The following FSTL4 variants were observed in gnomAD, a reference collection of about 807,000 sequenced individuals.
FSTL4 encodes follistatin like 4, also known as follistatin-related protein 4.
Under a neutral mutation model 78.2 loss-of-function variants are expected in FSTL4, and 28 were observed. The ratio of observed to expected loss-of-function variants is 0.36; its 90% CI spans 0.27 to 0.49. The LOEUF (loss-of-function observed/expected upper bound fraction) is 0.49, where lower values mean the gene tolerates loss of function less well. Ranked by LOEUF, FSTL4 falls within the 20% of genes least tolerant of loss-of-function variation. The pLI is 0.98. For missense variants in FSTL4, 922 were observed against 1,084.9 expected (o/e 0.85, Z 2.11); for synonymous variants, 422 against 440.5 (o/e 0.96, Z 0.53).
At chr5:133,372,245 C>CTATG (rs1554108980) in intron 4 of FSTL4, among the ~76,000 whole-genome samples, 3,287 of 140,142 alleles carry the variant, frequency 0.023, 104 homozygotes, top group African/African-American at 0.082. Flanking sequence ...ATCTATGTAT[C>CTATG]TATGTATGTA....
intron 3 of FSTL4, among the ~76,000 whole-genome samples, chr5:133,554,504 A>C: frequency 6.6e-6 from 1 of 152,338 alleles, no homozygotes; most frequent in African/African-American, 2.4e-5. Flanking sequence ...GACTCTCCAA[A>C]GTGAAATTTG....
At chr5:133,567,428 A>G (rs945700627) in intron 2 of FSTL4, among the ~76,000 whole-genome samples, 1 of 152,228 alleles carries the variant, frequency 6.6e-6, no homozygotes, top group Non-Finnish European at 1.5e-5. Context: ...TAGGCAAAAA[A>G]AATCCTGTTA....
At chr5:133,204,556 G>T (rs542520580) in intron 14 of FSTL4, among the ~76,000 whole-genome samples, 3 of 152,100 alleles carry the variant, frequency 2.0e-5, no homozygotes, top group African/African-American at 4.8e-5. Flanking sequence ...CACTGGCCAG[G>T]CATGGTGGCT....
the FSTL4 span, among the ~76,000 whole-genome samples, chr5:133,744,866 T>C: frequency 6.6e-6 from 1 of 152,146 alleles, no homozygotes; most frequent in African/African-American, 2.4e-5. Context: ...CAGCAAGTGT[T>C]TGCTGGATTG....
chr5:133,284,978 G>C (rs1581592900), intron 6 of FSTL4, among the ~76,000 whole-genome samples: 1 of 152,304 alleles, frequency 6.6e-6, no homozygotes, highest in African/African-American at 2.4e-5. Flanking sequence ...GCTCAGACTT[G>C]GTGAGGTGGG....
Position 133,197,031 on chromosome 5 carries a change from C to G in FSTL4, c.*2064G>C, listed in dbSNP as rs967696733. ...GAAGCAGGTGCTGCAGAAGTTGACT[C>G]TGTCACTCCTGATTATTTTAAAAGG... On this transcript the variant is annotated 3_prime_UTR_variant, in exon 16 of 16. Coordinates refer to ENST00000265342, the MANE Select transcript of FSTL4 (RefSeq NM_015082.2). 1.3e-5 allele frequency: 2 copies of G among 152,210 alleles called. No homozygotes were observed. Among genetic ancestry groups the G allele is most frequent in the Admixed American group, 6.5e-5 (1 of 15,284 alleles). The allele number at this position is 152,210 out of a possible 1,614,324, so 9.4% of individuals were successfully genotyped here. A position where few individuals can be genotyped will look rare whatever the true frequency, so the allele number is the denominator to read the frequency against.
At chr5:133,508,587 C>T (rs1333062338) in intron 3 of FSTL4, among the ~76,000 whole-genome samples, 1 of 152,184 alleles carries the variant, frequency 6.6e-6, no homozygotes, top group Non-Finnish European at 1.5e-5. Flanking sequence ...CTGTTGTCAA[C>T]TGAAACATCA....
At chr5:133,736,848 CA>C in the FSTL4 span, among the ~76,000 whole-genome samples, 1 of 152,040 alleles carries the variant, frequency 6.6e-6, no homozygotes, top group African/African-American at 2.4e-5. Context: ...GTCATAGGTC[CA>C]GCAATGTGAG....
the FSTL4 span, among the ~76,000 whole-genome samples, chr5:133,687,526 G>T: frequency 3.3e-5 from 5 of 151,936 alleles, no homozygotes; most frequent in South Asian, 2.1e-4. Context: ...CACCCAGGGG[G>T]GCTTTACAGG....
In FSTL4 at chr5:133,217,453, TGAC is replaced by T. The variant is rs1750947906; in HGVS notation, c.1459-78_1459-76del. 2.2e-6 allele frequency: 3 copies of T among 1,379,486 alleles called. No individual in the cohort carries two copies. The African/African-American group carries it at 4.3e-5, about 20-fold the overall frequency. The allele number at this position is 1,379,486 out of a possible 1,614,324, so 85.5% of individuals were successfully genotyped here. On this transcript the variant is annotated intron_variant, in intron 12 of 15. Transcript: ENST00000265342. ...CAACATCTCTAGGTACTCTCTCCCCTGACCCTCCTCTGTGCCTTTCTTCCTCTC... is the reference window on the plus strand; with the variant it reads ...CAACATCTCTAGGTACTCTCTCCCCTCCTCCTCTGTGCCTTTCTTCCTCTC...
chr5:133,451,988 T>G (rs1561722451), intron 3 of FSTL4, among the ~76,000 whole-genome samples: 1 of 152,196 alleles, frequency 6.6e-6, no homozygotes, highest in Admixed American at 6.5e-5. Flanking sequence ...TGTCAGGCAC[T>G]GTAGATGCAG....
intron 2 of FSTL4, among the ~76,000 whole-genome samples, chr5:133,579,128 G>A (rs1461776885): frequency 2.0e-5 from 3 of 152,168 alleles, no homozygotes; most frequent in Non-Finnish European, 4.4e-5. Context: ...AACCCCAAAA[G>A]CAATGGTCAT....
intron 7 of FSTL4, among the ~76,000 whole-genome samples, chr5:133,234,406 G>C (rs1055879839): frequency 3.3e-5 from 5 of 152,222 alleles, no homozygotes; most frequent in Non-Finnish European, 7.3e-5. Context: ...GGATGGGCAG[G>C]AGGGGCTTTT....
intron 3 of FSTL4, among the ~76,000 whole-genome samples, chr5:133,464,817 T>A (rs1051009492): frequency 3.3e-5 from 5 of 152,244 alleles, no homozygotes; most frequent in Admixed American, 2.0e-4. Flanking sequence ...TTTTTATGTA[T>A]GTATTTCATA....
chr5:133,358,494 T>C (rs1487476346), intron 4 of FSTL4, among the ~76,000 whole-genome samples: 1 of 151,880 alleles, frequency 6.6e-6, no homozygotes, highest in East Asian at 1.9e-4. Context: ...CTGGGCTGGC[T>C]ATGCCAAGTG....
the FSTL4 span, among the ~76,000 whole-genome samples, chr5:133,636,165 A>G: frequency 7.2e-5 from 11 of 152,342 alleles, no homozygotes; most frequent in East Asian, 2.1e-3. Flanking sequence ...GCTTCTGGTT[A>G]TATTCAAGGC....
chr5:133,290,554 C>G (rs1753238211), intron 6 of FSTL4, among the ~76,000 whole-genome samples: 1 of 152,240 alleles, frequency 6.6e-6, no homozygotes, highest in Admixed American at 6.5e-5. Flanking sequence ...GTACTTTCCA[C>G]TGGGTCTGTG....
intron 3 of FSTL4, among the ~76,000 whole-genome samples, chr5:133,504,394 C>G (rs1758568849): frequency 6.6e-6 from 1 of 152,178 alleles, no homozygotes; most frequent in East Asian, 1.9e-4. Context: ...CTATGCCTAC[C>G]ATTGTACTAT....
rs367547751 is a variant in FSTL4 at position 133,199,635 on chromosome 5, G to A, written c.1989C>T (p.Asp663=). The A allele has an allele frequency of 3.7e-6, 6 of 1,614,060 alleles. No homozygotes were observed. The African/African-American group carries it at 8.0e-5, about 22-fold the overall frequency. The change falls in exon 16 of 16, where the codon GAC becomes GAT. Residue 663 remains aspartate, a synonymous_variant. Transcript: ENST00000265342. This position sits in a 1 kb window ranked among gnomAD's most constrained non-coding sequence, Gnocchi z 4.4. ...GGYFFIQCRQ[D]SPASAARQLL... is the part of the protein sequence containing the mutation. ...GCTGTCGGGCAGCAGAGGCGGGGCT[G>A]TCCTGTCGGCACTGGATGAAGAAGT...
Sources: gnomAD v4.1 joint callset for allele counts (sites outside exome capture counted in the v4.1 genomes callset) on GRCh38, gnomAD v4.1.1 for gene constraint, Gnocchi (gnomAD v3.1) non-coding constraint, MANE v1.5 for transcripts, NCBI Gene and HGNC (gene_info 2026-07-23, HGNC 2026-07-21) for gene names.